SATB2: variants seen among roughly 807,000 people sequenced by gnomAD.
SATB2 encodes the protein SATB homeobox 2.
Under a neutral mutation model 73.4 loss-of-function variants are expected in SATB2, and 1 was observed. The observed-to-expected ratio is 0.01, with a 90% CI of 0.00 to 0.06. SATB2 has a LOEUF of 0.06. SATB2 is among the 10% of genes least tolerant of loss of function. The pLI is 1.00. For synonymous variants in SATB2, 397 were observed against 367.0 expected (o/e 1.08, Z -0.93); for missense variants, 459 against 945.8 (o/e 0.49, Z 6.75).
intron 3 of SATB2, among the ~76,000 whole-genome samples, chr2:199,382,316 A>T (rs963228505): frequency 2.6e-5 from 4 of 152,208 alleles, no homozygotes; most frequent in Admixed American, 2.6e-4. Context: ...TGAAGCAGTT[A>T]GAGTTCGCTC....
chr2:199,386,647 G>A (rs1689942199), intron 3 of SATB2, among the ~76,000 whole-genome samples: 1 of 151,624 alleles, frequency 6.6e-6, no homozygotes, highest in South Asian at 2.1e-4. Context: ...TGAAAAATGA[G>A]AAAAACTAGT....
chr2:199,456,834 AG>A (rs1692291915), intron 1 of SATB2, among the ~76,000 whole-genome samples: 1 of 152,192 alleles, frequency 6.6e-6, no homozygotes, highest in South Asian at 2.1e-4. Flanking sequence ...AAAAGCAAAA[AG>A]CATTTGAATT....
intron 2 of SATB2, among the ~76,000 whole-genome samples, chr2:199,434,790 GA>G (rs1464300188): frequency 6.6e-6 from 1 of 152,076 alleles, no homozygotes; most frequent in Non-Finnish European, 1.5e-5. Context: ...CTCAACCCTA[GA>G]AGCCTCCTGA....
chr2:199,373,244 G>A (rs1689502354), intron 5 of SATB2, among the ~76,000 whole-genome samples: 1 of 152,052 alleles, frequency 6.6e-6, no homozygotes, highest in South Asian at 2.1e-4. Flanking sequence ...AGTGATATGT[G>A]CATTCTTTGC....
chr2:199,318,268 C>G (rs1247667547), intron 9 of SATB2, among the ~76,000 whole-genome samples: 6 of 151,916 alleles, frequency 3.9e-5, no homozygotes, highest in Non-Finnish European at 2.9e-5. Flanking sequence ...CTAAGTTATC[C>G]CAGCCCCAGT....
At chr2:199,299,218 A>T (rs1296551995) in intron 10 of SATB2, among the ~76,000 whole-genome samples, 1 of 152,192 alleles carries the variant, frequency 6.6e-6, no homozygotes, top group African/African-American at 2.4e-5. Flanking sequence ...CACACTTATT[A>T]TCTATCTGTT....
intron 10 of SATB2, among the ~76,000 whole-genome samples, chr2:199,277,450 T>C (rs1692350657): frequency 6.6e-6 from 1 of 152,210 alleles, no homozygotes; most frequent in African/African-American, 2.4e-5. Flanking sequence ...TTTAATTCTG[T>C]AAGGGTAACT....
chr2:199,272,297 C>T lies in SATB2; in HGVS notation c.2116G>A (p.Gly706Ser), dbSNP rs1553538875. Residue 706 changes from glycine to serine, a missense_variant, in exon 11 of 11, where the codon GGC becomes AGC. By Grantham distance (56) the Gly-to-Ser change is moderately conservative. Around this residue, in one of 13 missense-constraint regions of SATB2, gnomAD observed 41 missense variants for 38.6 expected, o/e 1.06. Coordinates refer to ENST00000417098, the MANE Select transcript of SATB2 (RefSeq NM_001172509.2). This position sits in a 1 kb window ranked among gnomAD's most constrained non-coding sequence, Gnocchi z 6.7. ...TESEENDSEE[G>S]SEEMYKVEAE... ...TCCACTTTGTACATCTCCTCGGAGC[C>T]TTCCTCGCTGTCGTTCTCCTCTGAC... 1 of 1,614,074 alleles carries T rather than the reference C, an allele frequency of 6.2e-7. No homozygotes were observed. The highest frequency in any genetic ancestry group is 1.1e-5 in the South Asian group (1 of 91,086).
chr2:199,329,175 T>G (rs1302444226), intron 7 of SATB2: 2 of 471,220 alleles, frequency 4.2e-6, no homozygotes, highest in Non-Finnish European at 7.8e-6. Flanking sequence ...GCTAGCAAGG[T>G]AGGCACTTGG....
intron 2 of SATB2, among the ~76,000 whole-genome samples, chr2:199,445,045 C>G (rs1691924796): frequency 6.6e-6 from 1 of 152,174 alleles, no homozygotes; most frequent in Non-Finnish European, 1.5e-5. Context: ...ATACATCAAT[C>G]TTCAATATAA....
chr2:199,328,651 A>C, intron 8 of SATB2, 47 bp downstream of exon 8: 1 of 1,440,156 alleles, frequency 6.9e-7, no homozygotes. Context: ...TGAAGGCAAG[A>C]TGTTTCCAAG....
intron 8 of SATB2, among the ~76,000 whole-genome samples, chr2:199,328,315 C>T (rs761881550): frequency 1.8e-4 from 27 of 152,096 alleles, no homozygotes; most frequent in Admixed American, 2.6e-4. Context: ...CCAAGGCAAG[C>T]GGATCACCTG....
Position 199,435,374 on chromosome 2 carries a change from T to C in SATB2, c.170-1860A>G, listed in dbSNP as rs180740753. Among the ~76,000 whole-genome samples, 41 of 152,164 alleles carry C rather than the reference T, an allele frequency of 2.7e-4. No individual in the cohort carries two copies. The East Asian group carries it at 7.0e-3, about 26-fold the overall frequency. ...TCCTTCAAATTATCTTTTTTTTTTT[T>C]TCTCGCTCTTGTTGCCCAGGCTGGA... On this transcript the variant is annotated intron_variant, in intron 2 of 10. Transcript: ENST00000417098.
At chr2:199,440,132 A>G (rs151195691) in intron 2 of SATB2, among the ~76,000 whole-genome samples, 1 of 152,186 alleles carries the variant, frequency 6.6e-6, no homozygotes, top group Non-Finnish European at 1.5e-5. Context: ...AATGAAGAAA[A>G]GCCTGAGTGC....
At position 199,308,585 on chromosome 2, in the gene SATB2, C is replaced by A. The variant is rs1687503242; in HGVS notation, c.1740+175G>T. ...ACACGCACGCACATGCACACACACACACATACACATACACACAGTACCCAC... is the reference window on the plus strand; with the variant it reads ...ACACGCACGCACATGCACACACACAAACATACACATACACACAGTACCCAC... On this transcript the variant is annotated intron_variant, in intron 10 of 10. Transcript: ENST00000417098. This position sits in a 1 kb window ranked among gnomAD's most constrained non-coding sequence, Gnocchi z 4.6. Among the ~76,000 whole-genome samples the A allele has an allele frequency of 6.6e-6, 1 of 151,706 alleles. No homozygotes were observed. The highest frequency in any genetic ancestry group is 1.9e-4 in the East Asian group (1 of 5,140).
chr2:199,409,593 A>T (rs1055165657), intron 3 of SATB2, among the ~76,000 whole-genome samples: 1 of 152,216 alleles, frequency 6.6e-6, no homozygotes, highest in Non-Finnish European at 1.5e-5. Flanking sequence ...TATCATGGCT[A>T]AAGTATACTG....
chr2:199,410,376 C>T (rs551084616), intron 3 of SATB2, among the ~76,000 whole-genome samples: 7 of 152,152 alleles, frequency 4.6e-5, no homozygotes, highest in African/African-American at 7.2e-5. Context: ...CATTGTTCCT[C>T]GGGGAGAGTC....
chr2:199,412,272 T>C (rs905373939), intron 3 of SATB2, among the ~76,000 whole-genome samples: 3 of 152,204 alleles, frequency 2.0e-5, no homozygotes, highest in Non-Finnish European at 1.5e-5. Context: ...AAGCAAATAC[T>C]AAGAATTCCT....
intron 6 of SATB2, among the ~76,000 whole-genome samples, chr2:199,358,417 A>G (rs1007563693): frequency 2.0e-5 from 3 of 152,200 alleles, no homozygotes; most frequent in African/African-American, 7.2e-5. Context: ...AGATGAGTTC[A>G]CCAAATATAA....
Sources: gnomAD v4.1 joint callset for allele counts (sites outside exome capture counted in the v4.1 genomes callset) on GRCh38, gnomAD v4.1.1 for gene constraint, gnomAD v4.1.1 regional missense constraint, Gnocchi (gnomAD v3.1) non-coding constraint, MANE v1.5 for transcripts, NCBI Gene and HGNC (gene_info 2026-07-23, HGNC 2026-07-21) for gene names.